Variants in PGM3 observed in about 807,000 individuals in gnomAD.
The protein encoded by PGM3 is phosphoacetylglucosamine mutase.
Under a neutral mutation model 66.2 loss-of-function variants are expected in PGM3, and 40 were observed. The ratio of observed to expected loss-of-function variants is 0.60; its 90% CI spans 0.47 to 0.79. The LOEUF is 0.79. PGM3 is among the 30% of genes least tolerant of loss of function. The pLI, the probability that PGM3 is intolerant of heterozygous loss-of-function variation, is 0.00. For missense variants in PGM3, 537 were observed against 643.4 expected (o/e 0.83, Z 1.79); for synonymous variants, 191 against 224.2 (o/e 0.85, Z 1.32).
rs9344342 is a variant in PGM3, at chr6:83,189,699, A to G, written c.205-901T>C. Among the ~76,000 whole-genome samples the G allele has an allele frequency of 3.9e-5, 6 of 152,346 alleles. No homozygotes were observed. The East Asian group carries it at 9.6e-4, about 24-fold the overall frequency. ...AATGGCCTATAGCTAATAAAGAATA[A>G]CTACATTGTGTCAAGAGGTTGGCTA... On this transcript the variant is annotated intron_variant, in intron 2 of 12. Coordinates refer to ENST00000513973, the MANE Select transcript of PGM3 (RefSeq NM_015599.3).
intron 5 of PGM3, among the ~76,000 whole-genome samples, chr6:83,182,237 A>C (rs1788227868): frequency 6.6e-6 from 1 of 152,252 alleles, no homozygotes; most frequent in Non-Finnish European, 1.5e-5. Context: ...GGAGCCATTC[A>C]AATGCAAGAA....
downstream of PGM3, among the ~76,000 whole-genome samples, chr6:83,156,878 C>A (rs549736127): frequency 6.6e-6 from 1 of 151,092 alleles, no homozygotes; most frequent in East Asian, 2.1e-4. Flanking sequence ...AAAGTATGGT[C>A]CATGGACCAG....
the PGM3 span, chr6:83,153,636 A>G: frequency 6.5e-7 from 1 of 1,539,166 alleles, no homozygotes; most frequent in Non-Finnish European, 8.8e-7. Flanking sequence ...ATCATTATTT[A>G]AATAGTTTTT....
chr6:83,174,454 T>G lies in PGM3; in HGVS notation c.1162A>C (p.Lys388Gln). Residue 388 changes from lysine to glutamine, a missense_variant, in exon 10 of 13, where the codon AAA (lysine) becomes CAA (glutamine). Lys to Gln is a moderately conservative substitution (Grantham distance 53). Transcript: ENST00000513973. ...TCTTCCAGTTGTTCTGCTGATTGTT[T>G]TATCTTCATTTCAACAGCTGTACTA... ...LFSTAVEMKIKQSAEQLEDKK... is the reference protein window; with the variant it reads ...LFSTAVEMKIQQSAEQLEDKK... The G allele has an allele frequency of 6.2e-7, 1 of 1,603,420 alleles. No homozygotes were observed. Among genetic ancestry groups the G allele is most frequent in the Admixed American group, 1.7e-5 (1 of 58,510 alleles).
At chr6:83,171,254 A>G (rs530151069) in intron 11 of PGM3, 25 of 152,212 alleles carry the variant, frequency 1.6e-4, no homozygotes, top group Non-Finnish European at 3.2e-4. Flanking sequence ...GAAGCTGGGT[A>G]CACAAAAGTT....
downstream of PGM3, among the ~76,000 whole-genome samples, chr6:83,162,180 G>A (rs1784386562): frequency 1.3e-5 from 2 of 152,188 alleles, no homozygotes; most frequent in South Asian, 2.1e-4. Context: ...AATCCTATGC[G>A]GGGAGGGGAG....
Position 83,167,127 on chromosome 6 carries a change from C to T in PGM3, c.*2107G>A. On this transcript the variant is annotated 3_prime_UTR_variant, in exon 13 of 13. Coordinates refer to ENST00000513973, the MANE Select transcript of PGM3 (RefSeq NM_015599.3). ...TTGACAGAGTTTTCACATACCTTCT[C>T]ATTTGACTTCTCTACTAAAAGGTAG... 1.1e-6 allele frequency: 1 copy of T among 947,922 alleles called. No homozygotes were observed. The highest frequency in any genetic ancestry group is 1.3e-6 in the Non-Finnish European group (1 of 795,742). 58.7% of individuals were successfully genotyped at this position (947,922 alleles called of 1,614,324 possible).
Position 83,167,734 on chromosome 6 carries a change from G to A in PGM3, c.*1500C>T. 6.9e-7 allele frequency: 1 copy of A among 1,445,986 alleles called. No homozygotes were observed. Among genetic ancestry groups the A allele is most frequent in the South Asian group, 1.5e-5 (1 of 65,130 alleles). The allele number at this position is 1,445,986 out of a possible 1,614,324, so 89.6% of individuals were successfully genotyped here. A position where few individuals can be genotyped will look rare whatever the true frequency, so the allele number is the denominator to read the frequency against. ...AGCACCAAGGGTTTTGATCAGGTCA[G>A]GAGTTAGAAACTTAATGTCATTTGT... On this transcript the variant is annotated 3_prime_UTR_variant, in exon 13 of 13. Transcript: ENST00000513973.
intron 12 of PGM3, chr6:83,169,756 A>C (rs1205106727): frequency 2.2e-6 from 1 of 457,952 alleles, no homozygotes. Context: ...CAGCGCACTC[A>C]CTGTACTTTG....
rs1311677125 is a variant in PGM3 at position 83,169,143 on chromosome 6, T to G, written c.*91A>C. The G allele has an allele frequency of 9.0e-6, 14 of 1,554,306 alleles. No individual in the cohort carries two copies. The East Asian group carries it at 2.4e-4, about 26-fold the overall frequency. On this transcript the variant is annotated 3_prime_UTR_variant, in exon 13 of 13. Coordinates refer to ENST00000513973, the MANE Select transcript of PGM3 (RefSeq NM_015599.3). Reference sequence around the variant, plus strand: ...CCAGTAGGCTGCATTGTAAACATTATGATTATAAATCTCTTAGTACTGCCA... The same window carrying G: ...CCAGTAGGCTGCATTGTAAACATTAGGATTATAAATCTCTTAGTACTGCCA...
chr6:83,148,820 A>G, the PGM3 span: 3 of 1,554,832 alleles, frequency 1.9e-6, no homozygotes, highest in South Asian at 2.5e-5. Flanking sequence ...GAAAGACTCT[A>G]TACAACTGAG....
intron 12 of PGM3, chr6:83,169,773 C>T: frequency 2.2e-6 from 1 of 457,770 alleles, no homozygotes; most frequent in Non-Finnish European, 4.4e-6. Flanking sequence ...TTTGCCCTGG[C>T]TTTGCACACA....
the PGM3 span, chr6:83,154,359 A>G: frequency 1.1e-6 from 1 of 900,056 alleles, no homozygotes; most frequent in Non-Finnish European, 1.7e-6. Flanking sequence ...GTCAAGTGTC[A>G]GTGGGGATAT....
the PGM3 span, among the ~76,000 whole-genome samples, chr6:83,149,710 A>G: frequency 1.2e-4 from 18 of 152,260 alleles, no homozygotes; most frequent in East Asian, 7.7e-4. Context: ...TAGGAATTCT[A>G]TTTCAAGTGG....
At chr6:83,178,550 T>A in intron 8 of PGM3, 123 bp downstream of exon 8, 1 of 675,580 alleles carries the variant, frequency 1.5e-6, no homozygotes, top group South Asian at 1.7e-5. Flanking sequence ...TCTCTTTACC[T>A]TTACATGAAC....
chr6:83,170,116 G>A (rs1307141769), intron 12 of PGM3, among the ~76,000 whole-genome samples, 189 bp downstream of exon 12: 1 of 152,192 alleles, frequency 6.6e-6, no homozygotes, highest in African/African-American at 2.4e-5. Context: ...AATAAACTAA[G>A]TGGGTCTAAT....
intron 8 of PGM3, among the ~76,000 whole-genome samples, chr6:83,177,672 C>A (rs923453411): frequency 6.6e-6 from 1 of 152,168 alleles, no homozygotes; most frequent in Non-Finnish European, 1.5e-5. Context: ...CCTGACTAGG[C>A]CTTGTCCTTA....
At chr6:83,182,105 A>G (rs1288911063) in intron 5 of PGM3, among the ~76,000 whole-genome samples, 174 bp from the exon 6 acceptor site, 1 of 152,256 alleles carries the variant, frequency 6.6e-6, no homozygotes, top group Non-Finnish European at 1.5e-5. Context: ...ATAAAACACT[A>G]AAGTAAAATT....
At chr6:83,149,898 A>T in the PGM3 span, among the ~76,000 whole-genome samples, 1 of 152,172 alleles carries the variant, frequency 6.6e-6, no homozygotes, top group South Asian at 2.1e-4. Flanking sequence ...GAGGTTAAGG[A>T]AGGTGAGGAA....
Sources: allele counts gnomAD v4.1 joint callset (sites outside exome capture counted in the v4.1 genomes callset), GRCh38; gene constraint gnomAD v4.1.1; transcripts MANE v1.5; gene names NCBI Gene and HGNC (gene_info 2026-07-23, HGNC 2026-07-21).